Variants in PPM1E observed in about 807,000 individuals in gnomAD.
PPM1E encodes the protein protein phosphatase 1E.
A neutral mutation model predicts 65.9 loss-of-function variants in PPM1E; 20 were observed. The ratio of observed to expected loss-of-function variants is 0.30; its 90% CI spans 0.21 to 0.44. The LOEUF (loss-of-function observed/expected upper bound fraction) is 0.44, where lower values mean the gene tolerates loss of function less well. PPM1E is among the 20% of genes least tolerant of loss of function. The pLI, the probability that PPM1E is intolerant of heterozygous loss-of-function variation, is 1.00. For synonymous variants in PPM1E, 352 were observed against 374.9 expected, an observed-to-expected ratio of 0.94 and a Z score of 0.70; for missense variants, 713 against 953.1, an observed-to-expected ratio of 0.75 and a Z score of 3.32.
chr17:58,877,624 G>A (rs188350005), intron 1 of PPM1E, among the ~76,000 whole-genome samples: 12 of 152,280 alleles, frequency 7.9e-5, no homozygotes, highest in Non-Finnish European at 1.2e-4. Context: ...CCATAAAGTA[G>A]TGAGGAATAA....
intron 6 of PPM1E, among the ~76,000 whole-genome samples, chr17:58,978,898 T>C (rs1488380055): frequency 6.6e-6 from 1 of 152,138 alleles, no homozygotes; most frequent in Non-Finnish European, 1.5e-5. Flanking sequence ...AGTCTGGTGA[T>C]AGAAACCTAG....
At chr17:58,931,210 A>C (rs2051893341) in intron 1 of PPM1E, among the ~76,000 whole-genome samples, 1 of 152,094 alleles carries the variant, frequency 6.6e-6, no homozygotes, top group Non-Finnish European at 1.5e-5. Flanking sequence ...AACATGGAGA[A>C]ACCCCATCTC....
intron 1 of PPM1E, among the ~76,000 whole-genome samples, chr17:58,935,213 G>A (rs1481805918): frequency 6.0e-5 from 9 of 149,896 alleles, no homozygotes; most frequent in African/African-American, 7.4e-5. Flanking sequence ...ATAATGCCAC[G>A]CACTCCAGCC....
chr17:58,966,374 G>GA (rs2030244376), intron 3 of PPM1E: 2 of 140,974 alleles, frequency 1.4e-5, no homozygotes, highest in Non-Finnish European at 2.5e-5. Flanking sequence ...AGAAAGAAAA[G>GA]AAAAAACAAT....
chr17:58,755,906 C>T lies in PPM1E; in HGVS notation c.-92C>T. The T allele has an allele frequency of 6.4e-7, 1 of 1,558,924 alleles. No homozygotes were observed. Among genetic ancestry groups the T allele is most frequent in the Non-Finnish European group, 8.7e-7 (1 of 1,153,794 alleles). ...TCGTGCCGGTGCGGCCGTTAACCGC[C>T]CTTGCCGGAGCCCTAGGCTCAAAAG... is the stretch of plus-strand genomic sequence containing the variant. On this transcript the variant is annotated 5_prime_UTR_variant, in exon 1 of 7. Transcript: ENST00000308249.
intron 1 of PPM1E, among the ~76,000 whole-genome samples, chr17:58,799,705 A>C (rs2050241293): frequency 6.6e-6 from 1 of 152,132 alleles, no homozygotes; most frequent in South Asian, 2.1e-4. Context: ...CAGCCTCCCA[A>C]AGTGCTGGGA....
At chr17:58,795,969 G>A (rs926785170) in intron 1 of PPM1E, among the ~76,000 whole-genome samples, 1 of 152,052 alleles carries the variant, frequency 6.6e-6, no homozygotes, top group East Asian at 1.9e-4. Context: ...ATTTTCTCCC[G>A]TTCTGTAGTT....
chr17:58,907,189 T>A (rs1031667801), intron 1 of PPM1E, among the ~76,000 whole-genome samples: 1 of 151,762 alleles, frequency 6.6e-6, no homozygotes, highest in Non-Finnish European at 1.5e-5. Context: ...AAGGCTGCAG[T>A]GAGCCAGGAT....
At chr17:58,958,674 A>G (rs890853135) in intron 2 of PPM1E, among the ~76,000 whole-genome samples, 5 of 152,172 alleles carry the variant, frequency 3.3e-5, no homozygotes, top group African/African-American at 1.2e-4. Flanking sequence ...TGAGAAAATT[A>G]TCGAGGGACA....
intron 1 of PPM1E, among the ~76,000 whole-genome samples, chr17:58,822,397 C>A (rs2050490551): frequency 4.0e-5 from 6 of 151,404 alleles, no homozygotes; most frequent in Admixed American, 4.0e-4. Flanking sequence ...TCCCAAGTAT[C>A]TTTCTCCAAA....
intron 1 of PPM1E, among the ~76,000 whole-genome samples, chr17:58,895,974 GT>G (rs1199697776): frequency 6.6e-6 from 1 of 151,532 alleles, no homozygotes; most frequent in Non-Finnish European, 1.5e-5. Flanking sequence ...AATTAGCTGG[GT>G]GTGGTGGCAG....
intron 1 of PPM1E, among the ~76,000 whole-genome samples, chr17:58,940,733 C>A (rs780673341): frequency 1.6e-4 from 24 of 151,886 alleles, no homozygotes; most frequent in Non-Finnish European, 3.2e-4. Flanking sequence ...TTTGAGACAG[C>A]CTCACTCCAT....
chr17:58,961,409 C>A (rs190510996), intron 2 of PPM1E, among the ~76,000 whole-genome samples: 30 of 152,260 alleles, frequency 2.0e-4, no homozygotes, highest in Admixed American at 1.9e-3. Flanking sequence ...ACTTTTGAGT[C>A]AGACAGACCT....
chr17:58,833,035 A>G (rs964651719), intron 1 of PPM1E, among the ~76,000 whole-genome samples: 2 of 151,994 alleles, frequency 1.3e-5, no homozygotes, highest in Non-Finnish European at 2.9e-5. Flanking sequence ...CATGTTGGTC[A>G]GGCTGATCTT....
intron 1 of PPM1E, among the ~76,000 whole-genome samples, chr17:58,863,283 G>A (rs1246620082): frequency 6.6e-6 from 1 of 152,178 alleles, no homozygotes; most frequent in African/African-American, 2.4e-5. Context: ...CTCATGAAGG[G>A]GTGGCTTGCT....
chr17:58,826,472 A>C (rs564603613), intron 1 of PPM1E, among the ~76,000 whole-genome samples: 5 of 152,196 alleles, frequency 3.3e-5, no homozygotes, highest in Non-Finnish European at 7.3e-5. Flanking sequence ...GCAGAACTTC[A>C]AAGATAAACT....
intron 1 of PPM1E, among the ~76,000 whole-genome samples, chr17:58,777,468 C>T (rs2050005375): frequency 6.6e-6 from 1 of 152,056 alleles, no homozygotes; most frequent in Non-Finnish European, 1.5e-5. Context: ...AAAAAGAATG[C>T]ATCACTTTTT....
chr17:58,968,515 G>A (rs2030399390), intron 3 of PPM1E, among the ~76,000 whole-genome samples: 2 of 152,106 alleles, frequency 1.3e-5, no homozygotes, highest in South Asian at 4.1e-4. Context: ...ACAGCAACTC[G>A]TCCCTGCCTA....
chr17:58,884,667 A>G (rs976583958), intron 1 of PPM1E, among the ~76,000 whole-genome samples: 2 of 152,040 alleles, frequency 1.3e-5, no homozygotes, highest in African/African-American at 4.8e-5. Context: ...ATAGCACCAG[A>G]CTGCTTGGGT....
Sources: gnomAD v4.1 joint callset for allele counts (sites outside exome capture counted in the v4.1 genomes callset) on GRCh38, gnomAD v4.1.1 for gene constraint, MANE v1.5 for transcripts, NCBI Gene and HGNC (gene_info 2026-07-23, HGNC 2026-07-21) for gene names.